Variants in CASZ1 observed in about 807,000 individuals in gnomAD.
CASZ1 encodes the protein castor zinc finger 1.
CASZ1 carries 28 observed loss-of-function variants against 135.2 expected under a neutral mutation model. The ratio of observed to expected loss-of-function variants is 0.21; its 90% CI spans 0.15 to 0.28. The LOEUF is 0.28. CASZ1 is among the 10% of genes least tolerant of loss of function. CASZ1 has a pLI of 1.00. For synonymous variants in CASZ1, 1,068 were observed against 1,073.4 expected (o/e 0.99, Z 0.10); for missense variants, 2,161 against 2,453.3 (o/e 0.88, Z 2.52).
rs1283888020 is a variant in CASZ1 at position 10,659,905 on chromosome 1, C to T, written c.1137G>A (p.Arg379=). The T allele has an allele frequency of 6.2e-7, 1 of 1,611,710 alleles. No homozygotes were observed. The highest frequency in any genetic ancestry group is 2.2e-5 in the East Asian group (1 of 44,860). Residue 379 remains arginine, a synonymous_variant, in exon 6 of 21, where the codon CGG becomes CGA. Coordinates refer to ENST00000377022, the MANE Select transcript of CASZ1 (RefSeq NM_001079843.3). ...TGGCGGGGCCTGGCTTCTGGATGCC[C>T]CGGACGTCGTACTTGGAAGGGCGCC... is the stretch of plus-strand genomic sequence containing the variant. ...KVGRPSKYDV[R]GIQKPGPAKV... is the part of the protein sequence containing the mutation.
chr1:10,691,586 C>A (rs1034201992), intron 4 of CASZ1, among the ~76,000 whole-genome samples: 1 of 152,198 alleles, frequency 6.6e-6, no homozygotes, highest in Non-Finnish European at 1.5e-5. Context: ...GCCCACGCTG[C>A]CCCAGAGGAA....
chr1:10,757,934 G>A lies in CASZ1; in HGVS notation c.-77+2767C>T, dbSNP rs890057438. On this transcript the variant is annotated intron_variant, in intron 2 of 20. Coordinates refer to ENST00000377022, the MANE Select transcript of CASZ1 (RefSeq NM_001079843.3). The surrounding 1 kb of genome is among the most constrained non-coding windows in gnomAD (Gnocchi z 4.6). Reference sequence around the variant, plus strand: ...ACCTCCTGACACCCACCTCATCCACGTCCCCATCCACGTCCTGGCCACTCT... The same window carrying A: ...ACCTCCTGACACCCACCTCATCCACATCCCCATCCACGTCCTGGCCACTCT... 9.2e-5 allele frequency among the ~76,000 whole-genome samples: 14 copies of A among 152,162 alleles called. No individual in the cohort carries two copies. The East Asian group carries it at 9.6e-4, about 10-fold the overall frequency.
chr1:10,637,260 G>A lies in CASZ1; in HGVS notation c.*1682C>T, dbSNP rs1642023301. The A allele has an allele frequency of 2.0e-5, 3 of 152,358 alleles. No homozygotes were observed. Among genetic ancestry groups the A allele is most frequent in the South Asian group, 2.1e-4 (1 of 4,832 alleles). The allele number at this position is 152,358 out of a possible 1,614,324, so 9.4% of individuals were successfully genotyped here. On this transcript the variant is annotated 3_prime_UTR_variant, in exon 21 of 21. Transcript: ENST00000377022. The stretch of plus-strand genomic sequence containing the variant: ...TCTGGGCAGATGCTCACAGCAGCAC[G>A]TGGTGCCCACAGAGTTCAGGAGGCT...
intron 1 of CASZ1, among the ~76,000 whole-genome samples, chr1:10,768,943 C>T (rs978762666): frequency 1.3e-5 from 2 of 152,166 alleles, no homozygotes; most frequent in Admixed American, 6.5e-5. Context: ...GAGTTCGAGA[C>T]GAGCCTGTCC....
intron 1 of CASZ1, among the ~76,000 whole-genome samples, chr1:10,763,988 G>A (rs1358627657): frequency 6.6e-6 from 1 of 152,142 alleles, no homozygotes; most frequent in Non-Finnish European, 1.5e-5. Flanking sequence ...TCAGCCTCCC[G>A]AGTAGCTGGG....
intron 4 of CASZ1, among the ~76,000 whole-genome samples, chr1:10,668,364 C>T (rs1034669889): frequency 3.9e-5 from 6 of 152,238 alleles, no homozygotes; most frequent in African/African-American, 1.2e-4. Context: ...CATCCGTCCC[C>T]GGCCCTGTCA....
chr1:10,785,431 G>A (rs1483541775), intron 1 of CASZ1, among the ~76,000 whole-genome samples: 6 of 152,258 alleles, frequency 3.9e-5, no homozygotes, highest in South Asian at 4.1e-4. Context: ...AACAAGAACC[G>A]GAGTGTTTTG....
At chr1:10,778,147 T>C (rs1640694850) in intron 1 of CASZ1, among the ~76,000 whole-genome samples, 1 of 150,038 alleles carries the variant, frequency 6.7e-6, no homozygotes, top group African/African-American at 2.5e-5. Context: ...ACAAGCACAA[T>C]CTCATACTCC....
intron 5 of CASZ1, among the ~76,000 whole-genome samples, chr1:10,661,743 T>C (rs1643035843): frequency 7.1e-6 from 1 of 141,704 alleles, no homozygotes. Flanking sequence ...AACATACACA[T>C]GCATTCTCAT....
rs1001791615 is a variant in CASZ1 at position 10,721,740 on chromosome 1, T to A, written c.-76-16196A>T. Reference sequence around the variant, plus strand: ...CCAGGAAGTGGACGGCCCCAGCCTCTATCGGATCTGGCAGGCCTGGGGAGG... The same window carrying A: ...CCAGGAAGTGGACGGCCCCAGCCTCAATCGGATCTGGCAGGCCTGGGGAGG... On this transcript the variant is annotated intron_variant, in intron 2 of 20. Transcript: ENST00000377022. This position sits in a 1 kb window ranked among gnomAD's most constrained non-coding sequence, Gnocchi z 5.4. Among the ~76,000 whole-genome samples, 1 of 152,222 alleles carries A rather than the reference T, an allele frequency of 6.6e-6. No individual in the cohort carries two copies. The highest frequency in any genetic ancestry group is 2.4e-5 in the African/African-American group (1 of 41,464).
At position 10,674,589 on chromosome 1, in the gene CASZ1, C is replaced by T. The variant is rs553722188; in HGVS notation, c.17-9018G>A. Among the ~76,000 whole-genome samples, 10 of 152,394 alleles carry T rather than the reference C, an allele frequency of 6.6e-5. No individual in the cohort carries two copies. In the South Asian group the frequency reaches 1.4e-3, roughly 22 times the overall value. ...GGTCCCCAACTGTAACACAGCGTTG[C>T]TGAGGGGATGATGTGGGCACACGTC... On this transcript the variant is annotated intron_variant, in intron 4 of 20. Coordinates refer to ENST00000377022, the MANE Select transcript of CASZ1 (RefSeq NM_001079843.3).
In CASZ1 at chr1:10,762,041, G is replaced by T. The variant is rs1052333755; in HGVS notation, c.-233-1184C>A. Among the ~76,000 whole-genome samples, 2 of 152,180 alleles carry T rather than the reference G, an allele frequency of 1.3e-5. No homozygotes were observed. The highest frequency in any genetic ancestry group is 2.9e-5 in the Non-Finnish European group (2 of 68,020). ...CATGGTGTGGGCAGCTGCCCTGCAG[G>T]TTCTCCAACTTGGCCCGGCCCTCAG... On this transcript the variant is annotated intron_variant, in intron 1 of 20. Transcript: ENST00000377022. This position sits in a 1 kb window ranked among gnomAD's most constrained non-coding sequence, Gnocchi z 4.1.
Position 10,644,957 on chromosome 1 carries a change from G to C in CASZ1, c.3828C>G (p.Gly1276=). Reference sequence around the variant, plus strand: ...CCTCGCGCTTGGTGAAGTATTTGAAGCCATTGGCTGCCCGCCGCTCCGCCT... The same window carrying C: ...CCTCGCGCTTGGTGAAGTATTTGAACCCATTGGCTGCCCGCCGCTCCGCCT... The part of the protein sequence containing the change: ...HEKAERRAAN[G]FKYFTKREEC... The change falls in exon 18 of 21, where the codon GGC becomes GGG. Residue 1276 remains glycine, a synonymous_variant. Coordinates refer to ENST00000377022, the MANE Select transcript of CASZ1 (RefSeq NM_001079843.3). 1 of 1,613,848 alleles carries C rather than the reference G, an allele frequency of 6.2e-7. No individual in the cohort carries two copies. The highest frequency in any genetic ancestry group is 8.5e-7 in the Non-Finnish European group (1 of 1,180,016).
intron 1 of CASZ1, among the ~76,000 whole-genome samples, chr1:10,768,370 A>C (rs1312543842): frequency 1.3e-5 from 2 of 152,010 alleles, no homozygotes; most frequent in Non-Finnish European, 2.9e-5. Context: ...GGCACGCACC[A>C]CCATGCCTGG....
chr1:10,770,215 G>T (rs1430210289), intron 1 of CASZ1, among the ~76,000 whole-genome samples: 6 of 152,038 alleles, frequency 3.9e-5, no homozygotes, highest in Non-Finnish European at 7.4e-5. Context: ...CTCTCAAGTA[G>T]CTGGGACTAC....
intron 9 of CASZ1, among the ~76,000 whole-genome samples, chr1:10,654,876 G>C (rs577427860): frequency 6.6e-6 from 1 of 152,238 alleles, no homozygotes; most frequent in Non-Finnish European, 1.5e-5. Context: ...TTGGCCCAGG[G>C]GAGGGAGCTG....
At position 10,746,627 on chromosome 1, in the gene CASZ1, A is replaced by G. The variant is rs200423022; in HGVS notation, c.-77+14074T>C. 1.2e-4 allele frequency among the ~76,000 whole-genome samples: 18 copies of G among 152,298 alleles called. No individual in the cohort carries two copies. In the East Asian group the frequency reaches 3.5e-3, roughly 29 times the overall value. On this transcript the variant is annotated intron_variant, in intron 2 of 20. Coordinates refer to ENST00000377022, the MANE Select transcript of CASZ1 (RefSeq NM_001079843.3). The stretch of plus-strand genomic sequence containing the variant: ...GAGGCAGGTGCAGAACCAAGACAGC[A>G]CCTTGCACCCCAACCAAGGGCCAGC...
chr1:10,714,888 C>T (rs1639349457), intron 2 of CASZ1, among the ~76,000 whole-genome samples: 1 of 152,152 alleles, frequency 6.6e-6, no homozygotes, highest in Non-Finnish European at 1.5e-5. Context: ...GCCTTGTCTC[C>T]ACCCAGCCCA....
At chr1:10,743,552 A>G (rs1639971782) in intron 2 of CASZ1, among the ~76,000 whole-genome samples, 1 of 151,006 alleles carries the variant, frequency 6.6e-6, no homozygotes, top group Non-Finnish European at 1.5e-5. Flanking sequence ...GGCAACAGGA[A>G]CAGAGTTGAG....
Sources: gnomAD v4.1 joint callset for allele counts (sites outside exome capture counted in the v4.1 genomes callset) on GRCh38, gnomAD v4.1.1 for gene constraint, Gnocchi (gnomAD v3.1) non-coding constraint, MANE v1.5 for transcripts, NCBI Gene and HGNC (gene_info 2026-07-23, HGNC 2026-07-21) for gene names.